The following TTC39C variants were observed in gnomAD, a reference collection of about 807,000 sequenced individuals.
The protein encoded by TTC39C is tetratricopeptide repeat protein 39C.
In TTC39C, 33 loss-of-function variants were observed where a neutral mutation model predicts 76.3. The ratio of observed to expected loss-of-function variants is 0.43; its 90% CI spans 0.33 to 0.58. The LOEUF is 0.58. Ranked by LOEUF, TTC39C falls within the 20% of genes least tolerant of loss-of-function variation. TTC39C has a pLI of 0.04. For missense variants in TTC39C, 595 were observed against 701.4 expected (o/e 0.85, Z 1.71); for synonymous variants, 254 against 260.6 (o/e 0.97, Z 0.24).
At chr18:24,078,205 A>G (rs1328097971) in intron 4 of TTC39C, among the ~76,000 whole-genome samples, 1 of 152,242 alleles carries the variant, frequency 6.6e-6, no homozygotes, top group African/African-American at 2.4e-5. Flanking sequence ...ACTATAGGAC[A>G]TTAATCACCC....
At position 24,083,186 on chromosome 18, in the gene TTC39C, C is replaced by T. The variant is rs542017717; in HGVS notation, c.984+105C>T. The T allele has an allele frequency of 2.8e-4, 340 of 1,193,816 alleles. 2 individuals carry two copies. The highest frequency in any genetic ancestry group is 3.7e-4 in the Non-Finnish European group (324 of 884,634). The allele number at this position is 1,193,816 out of a possible 1,614,324, so 74.0% of individuals were successfully genotyped here. Reference sequence around the variant, plus strand: ...AACGAGCCAGAATGTCCCAGGGCCCCGGAGCATTTTGTTCTTTTGCCTTTC... The same window carrying T: ...AACGAGCCAGAATGTCCCAGGGCCCTGGAGCATTTTGTTCTTTTGCCTTTC... On this transcript the variant is annotated intron_variant, in intron 6 of 13. Coordinates refer to ENST00000317571, the MANE Select transcript of TTC39C (RefSeq NM_001135993.2).
At chr18:24,127,607 C>A (rs1599352909) in intron 10 of TTC39C, among the ~76,000 whole-genome samples, 1 of 152,116 alleles carries the variant, frequency 6.6e-6, no homozygotes, top group African/African-American at 2.4e-5. Flanking sequence ...ACCTCTGCCT[C>A]CCTGGCTCAA....
intron 1 of TTC39C, among the ~76,000 whole-genome samples, chr18:24,037,945 C>G (rs1431655257): frequency 6.6e-6 from 1 of 152,150 alleles, no homozygotes; most frequent in African/African-American, 2.4e-5. Context: ...CAGAGACTTC[C>G]CTGCAGGTGA....
chr18:23,994,142 T>A (rs1421872954), intron 1 of TTC39C: 1 of 152,146 alleles, frequency 6.6e-6, no homozygotes, highest in Non-Finnish European at 1.5e-5. Context: ...TGCAAAAGAT[T>A]TTCTATTATT....
In TTC39C at chr18:24,108,979, A is replaced by G. The variant is rs2145800909; in HGVS notation, c.985-5575A>G. 1.3e-5 allele frequency among the ~76,000 whole-genome samples: 2 copies of G among 152,266 alleles called. 1 individual carries two copies. The highest frequency in any genetic ancestry group is 4.2e-4 in the South Asian group (2 of 4,816). On this transcript the variant is annotated intron_variant, in intron 6 of 13. Coordinates refer to ENST00000317571, the MANE Select transcript of TTC39C (RefSeq NM_001135993.2). ...TGTGGATTATTTCCCACCACTATTA[A>G]CAGGTGACACTTATTTTTAAAGACA... is the stretch of plus-strand genomic sequence containing the variant.
chr18:24,084,150 A>G (rs747067148), intron 6 of TTC39C, among the ~76,000 whole-genome samples: 1 of 152,168 alleles, frequency 6.6e-6, no homozygotes, highest in African/African-American at 2.4e-5. Context: ...AGTGCTTTGT[A>G]TATGGAAGAT....
At position 24,123,921 on chromosome 18, in the gene TTC39C, T is replaced by A; in HGVS notation, c.1274T>A (p.Ile425Asn). The change falls in exon 9 of 14, where the codon ATT becomes AAT. Residue 425 changes from isoleucine (I) to asparagine (N), a missense_variant. Coordinates refer to ENST00000317571, the MANE Select transcript of TTC39C (RefSeq NM_001135993.2). ...QKLFKRKNNQIEQFSVKKAER... is the reference protein window; with the variant it reads ...QKLFKRKNNQNEQFSVKKAER... ...CTCTTCAAAAGGAAAAACAATCAGA[T>A]TGAACAGTTCTCGGTGAAAAAGGTA... 6.2e-7 allele frequency: 1 copy of A among 1,613,106 alleles called. No homozygotes were observed. Among genetic ancestry groups the A allele is most frequent in the South Asian group, 1.1e-5 (1 of 91,006 alleles).
At chr18:24,043,351 G>GACCCC (rs1328254519) in intron 1 of TTC39C, among the ~76,000 whole-genome samples, 19 of 152,270 alleles carry the variant, frequency 1.2e-4, no homozygotes, top group African/African-American at 4.6e-4. Flanking sequence ...GACAGAGCAA[G>GACCCC]ACCCCATCTC....
chr18:24,013,638 C>A (rs1355310740), upstream of TTC39C, among the ~76,000 whole-genome samples: 2 of 152,154 alleles, frequency 1.3e-5, no homozygotes, highest in Non-Finnish European at 2.9e-5. Context: ...ACTCTAAAAA[C>A]GACAGCGACT....
intron 1 of TTC39C, among the ~76,000 whole-genome samples, chr18:24,058,337 T>A (rs1181540877): frequency 1.3e-5 from 2 of 152,166 alleles, no homozygotes; most frequent in African/African-American, 4.8e-5. Flanking sequence ...GACAACTATA[T>A]GTGCATAAAA....
chr18:24,132,158 G>T (rs1227163884), intron 13 of TTC39C, among the ~76,000 whole-genome samples: 1 of 152,160 alleles, frequency 6.6e-6, no homozygotes, highest in Non-Finnish European at 1.5e-5. Context: ...TCTTTGGGTG[G>T]GAAGATAACT....
chr18:24,061,057 A>G lies in TTC39C; in HGVS notation c.168-3083A>G, dbSNP rs192524228. 5.6e-3 allele frequency among the ~76,000 whole-genome samples: 846 copies of G among 152,210 alleles called. 1 individual carries two copies. The highest frequency in any genetic ancestry group is 8.0e-3 in the Non-Finnish European group (546 of 68,004). On this transcript the variant is annotated intron_variant, in intron 1 of 13. Transcript: ENST00000317571. ...CAGTATTACTGTGAATAATTTTTAC[A>G]TGGTTCCAAAATGAAATCTATAAAA...
intron 1 of TTC39C, among the ~76,000 whole-genome samples, chr18:24,024,302 C>T (rs914342660): frequency 1.3e-5 from 2 of 151,524 alleles, no homozygotes; most frequent in African/African-American, 2.4e-5. Context: ...TGAGCCACCG[C>T]GCCTGGCCTA....
intron 1 of TTC39C, among the ~76,000 whole-genome samples, chr18:24,028,454 A>G (rs1304760896): frequency 6.6e-6 from 1 of 152,222 alleles, no homozygotes; most frequent in Non-Finnish European, 1.5e-5. Context: ...TTCATCAAAG[A>G]GCTATTCTAC....
At chr18:24,082,867 G>A (rs762646903) in intron 5 of TTC39C, 46 bp from the exon 6 acceptor site, 105 of 1,527,776 alleles carry the variant, frequency 6.9e-5, no homozygotes, top group Non-Finnish European at 7.0e-5. Context: ...TGGAAATGGT[G>A]TAAGGAAAGT....
chr18:24,083,115 C>T (rs778132781), intron 6 of TTC39C, 34 bp downstream of exon 6: 1 of 1,555,974 alleles, frequency 6.4e-7, no homozygotes, highest in Non-Finnish European at 8.7e-7. Flanking sequence ...TAAAATAAAG[C>T]CTCCGATGAT....
chr18:24,089,406 A>G (rs774309909), intron 6 of TTC39C, among the ~76,000 whole-genome samples: 7 of 152,184 alleles, frequency 4.6e-5, no homozygotes, highest in Non-Finnish European at 8.8e-5. Flanking sequence ...CCTGCATCCT[A>G]CGTGGTTCTG....
Position 24,125,569 on chromosome 18 carries a change from C to A in TTC39C, c.1420+19C>A, listed in dbSNP as rs2085040175. On this transcript the variant is annotated intron_variant, in intron 10 of 13. Transcript: ENST00000317571. ...AGTCAAGGTAAAAAATTTAAAAAAA[C>A]CCAAAACTGTCTACTGGACACACTG... 2 of 1,613,926 alleles carry A rather than the reference C, an allele frequency of 1.2e-6. No individual in the cohort carries two copies. The highest frequency in any genetic ancestry group is 2.2e-5 in the East Asian group (1 of 44,876).
intron 1 of TTC39C, among the ~76,000 whole-genome samples, chr18:24,023,946 GC>G (rs2083548590): frequency 4.2e-4 from 7 of 16,580 alleles, no homozygotes; most frequent in Admixed American, 2.2e-3. Flanking sequence ...ATATATATAT[GC>G]ATGTATATAT....
Sources: gnomAD v4.1 joint callset for allele counts (sites outside exome capture counted in the v4.1 genomes callset) on GRCh38, gnomAD v4.1.1 for gene constraint, MANE v1.5 for transcripts, NCBI Gene and HGNC (gene_info 2026-07-23, HGNC 2026-07-21) for gene names.